Variants in FOXP2 observed in about 807,000 individuals in gnomAD.
FOXP2 encodes forkhead box P2.
Under a neutral mutation model 115.8 loss-of-function variants are expected in FOXP2, and 12 were observed. The ratio of observed to expected loss-of-function variants is 0.10; its 90% CI spans 0.07 to 0.17. The LOEUF is 0.17. Among genes scored for constraint, FOXP2 ranks in the 10% least tolerant of loss-of-function variants. FOXP2 has a pLI of 1.00. For synonymous variants in FOXP2, 328 were observed against 297.7 expected, an observed-to-expected ratio of 1.10 and a Z score of -1.05; for missense variants, 629 against 843.5, an observed-to-expected ratio of 0.75 and a Z score of 3.15.
chr7:114,379,962 G>T (rs1414235604), intron 2 of FOXP2, among the ~76,000 whole-genome samples: 1 of 152,126 alleles, frequency 6.6e-6, no homozygotes, highest in African/African-American at 2.4e-5. Flanking sequence ...TCCTCATGAG[G>T]TTCCCTATTC....
At chr7:114,103,743 T>C (rs1291737682) in intron 1 of FOXP2, among the ~76,000 whole-genome samples, 2 of 152,116 alleles carry the variant, frequency 1.3e-5, no homozygotes, top group Non-Finnish European at 2.9e-5. Flanking sequence ...TCCTTTTATA[T>C]ATGAAAGACT....
Position 114,692,203 on chromosome 7 carries a change from A to G in FOXP2, c.*2277A>G, listed in dbSNP as rs1241948610. 3 of 453,862 alleles carry G rather than the reference A, an allele frequency of 6.6e-6. No homozygotes were observed. Among genetic ancestry groups the G allele is most frequent in the African/African-American group, 6.0e-5 (3 of 49,984 alleles). 28.1% of individuals were successfully genotyped at this position (453,862 alleles called of 1,614,324 possible). The stretch of plus-strand genomic sequence containing the variant: ...CAAAAGGCTTTGAGGGACTGGAAGT[A>G]ACTGCGAGAGTTGTACCATCAGAAG... On this transcript the variant is annotated 3_prime_UTR_variant, in exon 17 of 17. Coordinates refer to ENST00000350908, the MANE Select transcript of FOXP2 (RefSeq NM_014491.4).
chr7:114,518,355 C>T (rs896793226), intron 2 of FOXP2, among the ~76,000 whole-genome samples: 3 of 151,892 alleles, frequency 2.0e-5, no homozygotes, highest in African/African-American at 7.3e-5. Flanking sequence ...TAGGAAAATA[C>T]TTTTATGTTT....
intron 2 of FOXP2, among the ~76,000 whole-genome samples, chr7:114,329,456 T>C (rs570309199): frequency 1.4e-3 from 198 of 140,730 alleles, no homozygotes; most frequent in Non-Finnish European, 2.7e-3. Context: ...GAGGCGGAGG[T>C]TGCAGTGAGC....
chr7:114,571,538 G>A (rs541557800), intron 3 of FOXP2, among the ~76,000 whole-genome samples: 1 of 151,768 alleles, frequency 6.6e-6, no homozygotes, highest in Admixed American at 6.6e-5. Context: ...TATAGTCAGC[G>A]CTTCACAGTC....
intron 3 of FOXP2, among the ~76,000 whole-genome samples, chr7:114,550,117 T>C (rs76593018): frequency 9.9e-4 from 96 of 97,182 alleles, no homozygotes; most frequent in South Asian, 4.3e-3. Context: ...CTTTTCTTTT[T>C]TTTTTTTTTT....
At chr7:114,526,828 T>C (rs1402140729) in intron 2 of FOXP2, among the ~76,000 whole-genome samples, 4 of 152,180 alleles carry the variant, frequency 2.6e-5, no homozygotes, top group African/African-American at 9.7e-5. Flanking sequence ...CCTACCCTTT[T>C]AATGTATACA....
intron 2 of FOXP2, among the ~76,000 whole-genome samples, chr7:114,504,138 G>C (rs1562964156): frequency 6.6e-6 from 1 of 151,462 alleles, no homozygotes; most frequent in Non-Finnish European, 1.5e-5. Context: ...AAAAGTAACA[G>C]AGTTAATTTT....
intron 2 of FOXP2, among the ~76,000 whole-genome samples, chr7:114,291,608 G>A (rs141274255): frequency 0.016 from 2,441 of 151,724 alleles, 33 homozygotes; most frequent in African/African-American, 0.03. Context: ...CAAAATGTCA[G>A]CCAGGTTGCA....
At chr7:114,328,419 G>A (rs1188793459) in intron 2 of FOXP2, among the ~76,000 whole-genome samples, 1 of 151,532 alleles carries the variant, frequency 6.6e-6, no homozygotes, top group African/African-American at 2.4e-5. Context: ...TGTATTTTTG[G>A]TAGAGACAGG....
intron 2 of FOXP2, among the ~76,000 whole-genome samples, chr7:114,290,384 G>A (rs1209416796): frequency 6.6e-6 from 1 of 151,942 alleles, no homozygotes; most frequent in East Asian, 1.9e-4. Context: ...TTTACTTCAA[G>A]ATATTCAGTT....
At chr7:114,536,311 TC>T (rs1387586573) in intron 3 of FOXP2, among the ~76,000 whole-genome samples, 1 of 151,230 alleles carries the variant, frequency 6.6e-6, no homozygotes, top group Non-Finnish European at 1.5e-5. Flanking sequence ...CTTCTTCCTC[TC>T]CAAAGCTAAG....
chr7:114,433,836 C>T (rs1166480545), intron 2 of FOXP2, among the ~76,000 whole-genome samples: 2 of 151,888 alleles, frequency 1.3e-5, no homozygotes, highest in Non-Finnish European at 2.9e-5. Flanking sequence ...AGTTAAAAGA[C>T]TGGCTTACAT....
At chr7:114,240,970 A>G (rs967388615) in intron 1 of FOXP2, among the ~76,000 whole-genome samples, 1 of 151,980 alleles carries the variant, frequency 6.6e-6, no homozygotes, top group Admixed American at 6.6e-5. Flanking sequence ...TTTTTGTATT[A>G]ATCATATAAA....
chr7:114,575,923 T>C (rs1317591337), intron 3 of FOXP2, among the ~76,000 whole-genome samples: 1 of 151,912 alleles, frequency 6.6e-6, no homozygotes. Flanking sequence ...ATAAAAGCTG[T>C]TTACAGTATT....
chr7:114,362,413 C>T (rs927355437), intron 2 of FOXP2, among the ~76,000 whole-genome samples: 3 of 151,490 alleles, frequency 2.0e-5, no homozygotes, highest in Non-Finnish European at 3.0e-5. Context: ...AGAAAAAAAA[C>T]AAAAAGCAAA....
intron 3 of FOXP2, among the ~76,000 whole-genome samples, chr7:114,577,219 A>C (rs1801618824): frequency 6.6e-6 from 1 of 151,970 alleles, no homozygotes; most frequent in African/African-American, 2.4e-5. Flanking sequence ...ATTTCAATAC[A>C]TAGGATGTCA....
chr7:114,279,107 C>T (rs1202750270), intron 1 of FOXP2, among the ~76,000 whole-genome samples: 2 of 152,156 alleles, frequency 1.3e-5, no homozygotes. Context: ...ATCAGAGTTT[C>T]ATAAATTTAA....
intron 1 of FOXP2, among the ~76,000 whole-genome samples, chr7:114,264,144 T>G (rs1795835162): frequency 6.6e-6 from 1 of 152,136 alleles, no homozygotes; most frequent in Non-Finnish European, 1.5e-5. Context: ...GTTATTTGCC[T>G]TACTTCTCTT....
Sources: gnomAD v4.1 joint callset for allele counts (sites outside exome capture counted in the v4.1 genomes callset) on GRCh38, gnomAD v4.1.1 for gene constraint, MANE v1.5 for transcripts, NCBI Gene and HGNC (gene_info 2026-07-23, HGNC 2026-07-21) for gene names.